The following PLEKHA5 variants were observed in gnomAD, a reference collection of about 807,000 sequenced individuals.
PLEKHA5 encodes pleckstrin homology domain containing A5.
Under a neutral mutation model 181.9 loss-of-function variants are expected in PLEKHA5, and 55 were observed. The observed-to-expected ratio is 0.30, with a 90% CI of 0.24 to 0.38. The LOEUF (loss-of-function observed/expected upper bound fraction) is 0.38. Among genes scored for constraint, PLEKHA5 ranks in the 10% least tolerant of loss-of-function variants. The probability of loss-of-function intolerance (pLI) is 1.00; values close to 1 mark genes in which losing one functional copy is unlikely to be tolerated. For synonymous variants in PLEKHA5, 535 were observed against 529.4 expected, an observed-to-expected ratio of 1.01 and a Z score of -0.15; for missense variants, 1,432 against 1,549.5, an observed-to-expected ratio of 0.92 and a Z score of 1.27.
At chr12:19,207,631 C>G (rs1426895408) in intron 3 of PLEKHA5, 3 of 152,152 alleles carry the variant, frequency 2.0e-5, no homozygotes, top group African/African-American at 7.2e-5. Context: ...AAGGATTGTT[C>G]ATAGCAGAAC....
chr12:19,151,442 C>T (rs963513994), intron 3 of PLEKHA5: 5 of 128,766 alleles, frequency 3.9e-5, no homozygotes, highest in Admixed American at 3.5e-4. Flanking sequence ...TCAGTAGACT[C>T]CTAGAGAAAG....
chr12:19,139,253 C>T (rs898571854), intron 3 of PLEKHA5, among the ~76,000 whole-genome samples: 6 of 152,230 alleles, frequency 3.9e-5, no homozygotes, highest in East Asian at 1.9e-4. Flanking sequence ...GACCCTTGAC[C>T]GGAATAAAGG....
intron 29 of PLEKHA5, 31 bp downstream of exon 29, chr12:19,361,737 C>T (rs777046852): frequency 1.3e-6 from 2 of 1,566,266 alleles, no homozygotes; most frequent in African/African-American, 1.4e-5. Flanking sequence ...AGGAATCATT[C>T]ACAAAACTGT....
chr12:19,163,971 G>A (rs1024957862), intron 3 of PLEKHA5, among the ~76,000 whole-genome samples: 2 of 152,020 alleles, frequency 1.3e-5, no homozygotes, highest in South Asian at 2.1e-4. Context: ...GTTTGAAGGG[G>A]TAACCATTAT....
At chr12:19,233,519 A>G (rs886133404) in intron 3 of PLEKHA5, among the ~76,000 whole-genome samples, 1 of 152,176 alleles carries the variant, frequency 6.6e-6, no homozygotes, top group Non-Finnish European at 1.5e-5. Flanking sequence ...AATTTACGGT[A>G]TTCAGAACAC....
At chr12:19,146,514 A>G (rs2151217510) in intron 3 of PLEKHA5, among the ~76,000 whole-genome samples, 1 of 152,344 alleles carries the variant, frequency 6.6e-6, no homozygotes, top group Non-Finnish European at 1.5e-5. Context: ...TATACCCTCA[A>G]GTACGAACAT....
chr12:19,273,090 G>C (rs148377420), intron 10 of PLEKHA5, among the ~76,000 whole-genome samples: 59 of 151,564 alleles, frequency 3.9e-4, no homozygotes, highest in Non-Finnish European at 7.1e-4. Context: ...TTTATTTTTC[G>C]TAGAGACGGG....
chr12:19,163,246 G>A lies in PLEKHA5; in HGVS notation c.227+30796G>A, dbSNP rs537569851. Among the ~76,000 whole-genome samples, 543 of 150,790 alleles carry A rather than the reference G, an allele frequency of 3.6e-3. 3 individuals are homozygous for A. The highest frequency in any genetic ancestry group is 0.031 in the South Asian group (145 of 4,742). On this transcript the variant is annotated intron_variant, in intron 3 of 31. Coordinates refer to ENST00000429027, the MANE Select transcript of PLEKHA5 (RefSeq NM_001256470.2). ...GGCTGGAGTGCAGTGGCACAATCTCGGCTCACTGCAAACTCCACCTCCTGG... is the reference window on the plus strand; with the variant it reads ...GGCTGGAGTGCAGTGGCACAATCTCAGCTCACTGCAAACTCCACCTCCTGG...
intron 3 of PLEKHA5, among the ~76,000 whole-genome samples, chr12:19,242,125 T>C (rs1052749639): frequency 2.6e-5 from 4 of 152,230 alleles, no homozygotes; most frequent in African/African-American, 9.6e-5. Flanking sequence ...GGGATGGATG[T>C]GATAGGTACA....
chr12:19,214,638 C>T (rs183431553), intron 3 of PLEKHA5, among the ~76,000 whole-genome samples: 3 of 152,060 alleles, frequency 2.0e-5, no homozygotes, highest in Admixed American at 6.5e-5. Context: ...CTTAACTACC[C>T]TAAGATTTGA....
chr12:19,254,220 A>C (rs1301066259), intron 4 of PLEKHA5, among the ~76,000 whole-genome samples, 197 bp downstream of exon 4: 1 of 152,182 alleles, frequency 6.6e-6, no homozygotes, highest in Non-Finnish European at 1.5e-5. Flanking sequence ...TAATTTCAGA[A>C]GCTGTTTTTA....
intron 3 of PLEKHA5, among the ~76,000 whole-genome samples, chr12:19,220,056 A>G (rs1340851407): frequency 6.6e-6 from 1 of 152,184 alleles, no homozygotes; most frequent in Non-Finnish European, 1.5e-5. Flanking sequence ...TAACCATACA[A>G]TTAATTCAAC....
At chr12:19,336,651 C>G in intron 21 of PLEKHA5, 35 bp downstream of exon 21, 1 of 1,138,638 alleles carries the variant, frequency 8.8e-7, no homozygotes, top group Non-Finnish European at 1.3e-6. Context: ...ATTGTTTTAA[C>G]TGTTTTTACT....
At chr12:19,201,667 T>C (rs1776870672) in intron 3 of PLEKHA5, 1 of 152,060 alleles carries the variant, frequency 6.6e-6, no homozygotes, top group Non-Finnish European at 1.5e-5. Flanking sequence ...TGGTATACGA[T>C]GACTGAACTT....
At chr12:19,297,767 T>C (rs1490559880) in intron 15 of PLEKHA5, among the ~76,000 whole-genome samples, 1 of 151,620 alleles carries the variant, frequency 6.6e-6, no homozygotes, top group East Asian at 1.9e-4. Flanking sequence ...TTTTTTTTTT[T>C]TTGAGAATGA....
intron 3 of PLEKHA5, among the ~76,000 whole-genome samples, chr12:19,172,586 C>T (rs531838335): frequency 5.5e-4 from 83 of 152,270 alleles, no homozygotes; most frequent in African/African-American, 1.9e-3. Context: ...TTATATACAT[C>T]GCATACCTGT....
chr12:19,280,052 T>G (rs1408730371), intron 11 of PLEKHA5, among the ~76,000 whole-genome samples: 2 of 136,972 alleles, frequency 1.5e-5, no homozygotes, highest in African/African-American at 2.8e-5. Context: ...TTTTTTTTTT[T>G]TTTTTTTTTT....
intron 20 of PLEKHA5, among the ~76,000 whole-genome samples, chr12:19,334,829 A>AAAAAAAAAAAAAAATAT: frequency 5.4e-5 from 1 of 18,598 alleles, no homozygotes; most frequent in Non-Finnish European, 1.4e-4. Flanking sequence ...AAAAAAAAAA[A>AAAAAAAAAAAAAAATAT]ATATATATAT....
intron 15 of PLEKHA5, among the ~76,000 whole-genome samples, chr12:19,299,554 G>T (rs569850042): frequency 5.3e-5 from 8 of 152,160 alleles, no homozygotes; most frequent in Non-Finnish European, 1.2e-4. Flanking sequence ...CCGTTTTATT[G>T]TATAATAGTC....
Sources: gnomAD v4.1 joint callset for allele counts (sites outside exome capture counted in the v4.1 genomes callset) on GRCh38, gnomAD v4.1.1 for gene constraint, MANE v1.5 for transcripts, NCBI Gene and HGNC (gene_info 2026-07-23, HGNC 2026-07-21) for gene names.